Variants in DDX3X observed in about 807,000 individuals in gnomAD.
DDX3X encodes DEAD-box helicase 3 X-linked.
DDX3X carries 4 observed loss-of-function variants against 52.7 expected under a neutral mutation model. The observed-to-expected ratio is 0.08, with a 90% CI of 0.04 to 0.17. DDX3X has a LOEUF of 0.17. Among genes scored for constraint, DDX3X ranks in the 10% least tolerant of loss-of-function variants. The probability of loss-of-function intolerance (pLI) is 1.00; values close to 1 mark genes in which losing one functional copy is unlikely to be tolerated. For missense variants in DDX3X, 222 were observed against 548.6 expected, an observed-to-expected ratio of 0.40 and a Z score of 5.95; for synonymous variants, 192 against 178.1, an observed-to-expected ratio of 1.08 and a Z score of -0.62.
rs983171529 is a variant in DDX3X, at chrX:41,343,063, C to G, written c.544-153C>G. 4.4e-6 allele frequency: 3 copies of G among 683,332 alleles called. No homozygotes were observed. In the African/African-American group the frequency reaches 6.7e-5, roughly 15 times the overall value. 56.3% of individuals were successfully genotyped at this position (683,332 alleles called of 1,213,427 possible). A position where few individuals can be genotyped will look rare whatever the true frequency, so the allele number is the denominator to read the frequency against. On this transcript the variant is annotated intron_variant, in intron 6 of 16. Coordinates refer to ENST00000644876, the MANE Select transcript of DDX3X (RefSeq NM_001356.5). The stretch of plus-strand genomic sequence containing the variant: ...AAGTCTTCTCCAATGTGCAGTAAGC[C>G]TGGGGGTTGGTTTTTCTCAAAGTAT...
rs769044936 is a variant in DDX3X at position 41,344,322 on chromosome X, A to G, written c.948A>G (p.Gly316=). 8.3e-7 allele frequency: 1 copy of G among 1,210,516 alleles called. No individual in the cohort carries two copies. Among genetic ancestry groups the G allele is most frequent in the Non-Finnish European group, 1.1e-6 (1 of 895,153 alleles). The change falls in exon 10 of 17, where the codon GGA becomes GGG. Residue 316 remains glycine, a synonymous_variant. Transcript: ENST00000644876. ...AGCAGATTCGAGACTTGGAACGTGG[A>G]TGCCATTTGTTAGTAGCCACTCCAG... The part of the protein sequence containing the change: ...IGQQIRDLER[G]CHLLVATPGR...
intron 10 of DDX3X, among the ~76,000 whole-genome samples, chrX:41,344,854 C>A (rs919372594): frequency 1.8e-5 from 2 of 112,034 alleles, no homozygotes; most frequent in African/African-American, 6.5e-5. Context: ...TTTCAGACAT[C>A]TAACTTTCAC....
chrX:41,347,454 A>AG lies in DDX3X; in HGVS notation c.1909+4dup, dbSNP rs1234469502. The AG allele has an allele frequency of 3.3e-6, 4 of 1,202,878 alleles. No homozygotes were observed. The African/African-American group carries it at 7.0e-5, about 21-fold the overall frequency. On this transcript the variant is annotated splice_donor_region_variant and intron_variant, in intron 16 of 16. Transcript: ENST00000644876. ...TAGCAGCAGAGGATTTGGTGGAGGT[A>AG]GTGTTAATCTGTAACTTCATAGCTT...
chrX:41,346,119 T>C, intron 12 of DDX3X, 110 bp from the exon 13 acceptor site: 1 of 675,243 alleles, frequency 1.5e-6, no homozygotes, highest in South Asian at 3.2e-5. Flanking sequence ...AAAGCCCGTT[T>C]TTAAGAAGAT....
Position 41,347,420 on chromosome X carries a change from T to C in DDX3X, c.1878T>C (p.Gly626=). ...CAAGCAGCAGCCGCAGTGGCGGAGG[T>C]GGCCACGGTAGCAGCAGAGGATTTG... The part of the protein sequence containing the change: ...SRASSSRSGG[G]GHGSSRGFGG... Residue 626 remains glycine, a synonymous_variant, in exon 16 of 17, where the codon GGT becomes GGC. Transcript: ENST00000644876. 2 of 1,210,413 alleles carry C rather than the reference T, an allele frequency of 1.7e-6. No homozygotes were observed. The highest frequency in any genetic ancestry group is 2.2e-6 in the Non-Finnish European group (2 of 894,846).
At chrX:41,351,976 CAAGAT>C (rs2063990272), downstream of DDX3X, among the ~76,000 whole-genome samples, 1 of 111,711 alleles carries the variant, frequency 9.0e-6, no homozygotes, top group Admixed American at 9.6e-5. Context: ...TGTCTCAAAA[CAAGAT>C]AAAGTCAGCA....
At chrX:41,337,365 G>C (rs747971521) in intron 1 of DDX3X, 43 bp from the exon 2 acceptor site, 1 of 1,131,726 alleles carries the variant, frequency 8.8e-7, no homozygotes, top group South Asian at 1.8e-5. Context: ...TCTTAATGTA[G>C]TATTTGAGCA....
downstream of DDX3X, among the ~76,000 whole-genome samples, chrX:41,353,854 G>C (rs903816510): frequency 1.8e-5 from 2 of 109,796 alleles, no homozygotes; most frequent in Non-Finnish European, 3.8e-5. Flanking sequence ...ACAATTACTA[G>C]TGACATAGAG....
At chrX:41,338,846 G>A (rs966247339) in intron 2 of DDX3X, 190 bp from the exon 3 acceptor site, 2 of 159,788 alleles carry the variant, frequency 1.3e-5, no homozygotes, top group African/African-American at 6.3e-5. Context: ...TCCTTTCAGA[G>A]TTCTCCTTAT....
In DDX3X at chrX:41,350,199, A is replaced by ACT. The variant is rs1381971534; in HGVS notation, c.*2481_*2482dup. 1 of 112,157 alleles carries ACT rather than the reference A, an allele frequency of 8.9e-6. No homozygotes were observed. Among genetic ancestry groups the ACT allele is most frequent in the African/African-American group, 3.2e-5 (1 of 30,796 alleles). 9.2% of individuals were successfully genotyped at this position (112,157 alleles called of 1,213,427 possible). A position where few individuals can be genotyped will look rare whatever the true frequency, so the allele number is the denominator to read the frequency against. The stretch of plus-strand genomic sequence containing the variant: ...TGATTTTATTAAAATAAAAAGTTGA[A>ACT]CTGCACAGTCTCCTTTGTTGTTGTC... On this transcript the variant is annotated 3_prime_UTR_variant, in exon 17 of 17. Coordinates refer to ENST00000644876, the MANE Select transcript of DDX3X (RefSeq NM_001356.5).
intron 2 of DDX3X, 81 bp downstream of exon 2, chrX:41,337,546 A>G (rs2063789163): frequency 2.3e-6 from 2 of 874,840 alleles, no homozygotes; most frequent in South Asian, 4.6e-5. Context: ...AAAATTTAAG[A>G]AATTTGCCTT....
chrX:41,360,184 C>A (rs2064024044), intron 5 of DDX3X, among the ~76,000 whole-genome samples: 1 of 106,522 alleles, frequency 9.4e-6, no homozygotes, highest in East Asian at 3.1e-4. Flanking sequence ...TCAAGACCAG[C>A]CTGGCCAACA....
At chrX:41,360,524 C>A (rs1427610050) in intron 5 of DDX3X, among the ~76,000 whole-genome samples, 3 of 108,371 alleles carry the variant, frequency 2.8e-5, no homozygotes, top group African/African-American at 1.0e-4. Flanking sequence ...CTCACCGCAA[C>A]CTTTGTCTCC....
At position 41,346,983 on chromosome X, in the gene DDX3X, C is replaced by T; in HGVS notation, c.1740C>T (p.Tyr580=). 3 of 1,210,393 alleles carry T rather than the reference C, an allele frequency of 2.5e-6. No individual in the cohort carries two copies. Among genetic ancestry groups the T allele is most frequent in the Non-Finnish European group, 3.4e-6 (3 of 894,881 alleles). Residue 580 remains tyrosine (Y), a synonymous_variant, in exon 15 of 17, where the codon TAC becomes TAT. Transcript: ENST00000644876. ...AAAACATGGCTTATGAACACCACTA[C>T]AAGGGTAGCAGTCGTGGACGTTCTA... The part of the protein sequence containing the change: ...WLENMAYEHH[Y]KGSSRGRSKS...
At chrX:41,344,888 T>C (rs781357731) in intron 10 of DDX3X, among the ~76,000 whole-genome samples, 2 of 112,025 alleles carry the variant, frequency 1.8e-5, no homozygotes, top group Non-Finnish European at 3.8e-5. Flanking sequence ...ATGGTAATTT[T>C]AATGTTGAAA....
chrX:41,342,232 A>C (rs2063861112), intron 4 of DDX3X: 1 of 297,750 alleles, frequency 3.4e-6, no homozygotes, highest in Non-Finnish European at 5.8e-6. Context: ...TTTCAAATAA[A>C]ATCCTTATTC....
intron 2 of DDX3X, 124 bp downstream of exon 2, chrX:41,337,589 CTT>C (rs1458950174): frequency 1.0e-5 from 5 of 500,782 alleles, no homozygotes; most frequent in Non-Finnish European, 1.6e-5. Context: ...ATTATGTAGT[CTT>C]TGTGTTATAG....
At chrX:41,333,716 A>G (rs180854597), upstream of DDX3X, 1 of 111,600 alleles carries the variant, frequency 9.0e-6, no homozygotes, top group African/African-American at 3.3e-5. Context: ...GTTAGGAAAA[A>G]AAAAACAAAA....
Position 41,346,854 on chromosome X carries a change from T to C in DDX3X, c.1616-5T>C, listed in dbSNP as rs754258951. On this transcript the variant is annotated splice_region_variant and splice_polypyrimidine_tract_variant and intron_variant, in intron 14 of 16. Transcript: ENST00000644876. ...GTTTATATACTTTTTTGGGAACTCT[T>C]TTAGGCCTGGCAACCTCATTCTTTA... is the stretch of plus-strand genomic sequence containing the variant. 2 of 1,202,732 alleles carry C rather than the reference T, an allele frequency of 1.7e-6. No individual in the cohort carries two copies. The highest frequency in any genetic ancestry group is 1.8e-5 in the South Asian group (1 of 55,916).
Sources: allele counts gnomAD v4.1 joint callset (sites outside exome capture counted in the v4.1 genomes callset), GRCh38; gene constraint gnomAD v4.1.1; transcripts MANE v1.5; gene names NCBI Gene and HGNC (gene_info 2026-07-23, HGNC 2026-07-21).